The following HPN variants were observed in gnomAD, a reference collection of about 807,000 sequenced individuals.
The protein encoded by HPN is hepsin.
Under a neutral mutation model 55.9 loss-of-function variants are expected in HPN, and 13 were observed. The ratio of observed to expected loss-of-function variants is 0.23; its 90% CI spans 0.15 to 0.37. The LOEUF is 0.37. Among genes scored for constraint, HPN ranks in the 10% least tolerant of loss-of-function variants. HPN has a pLI of 1.00. For synonymous variants in HPN, 225 were observed against 240.3 expected, an observed-to-expected ratio of 0.94 and a Z score of 0.59; for missense variants, 451 against 575.8, an observed-to-expected ratio of 0.78 and a Z score of 2.22.
chr19:35,044,772 A>G (rs2064325690), intron 2 of HPN, among the ~76,000 whole-genome samples: 1 of 152,022 alleles, frequency 6.6e-6, no homozygotes, highest in South Asian at 2.1e-4. Flanking sequence ...GGAGTCACAG[A>G]GGGTTCTATA....
At chr19:35,042,591 A>C (rs2064305131) in intron 2 of HPN, 69 bp downstream of exon 2, 1 of 1,348,046 alleles carries the variant, frequency 7.4e-7, no homozygotes. Context: ...TCTTTTCTCT[A>C]CCCTCTACTC....
chr19:35,054,706 C>T (rs558569998), intron 4 of HPN, among the ~76,000 whole-genome samples: 35 of 152,330 alleles, frequency 2.3e-4, no homozygotes, highest in Admixed American at 1.1e-3. Context: ...AGCCACCCCA[C>T]CTCTCTGAGC....
intron 2 of HPN, among the ~76,000 whole-genome samples, chr19:35,046,422 T>A (rs2064342665): frequency 6.6e-6 from 1 of 152,016 alleles, no homozygotes; most frequent in South Asian, 2.1e-4. Context: ...TTTTTGTATT[T>A]TTAGTAGAGG....
chr19:35,065,049 T>C (rs1168756057), intron 9 of HPN, among the ~76,000 whole-genome samples: 1 of 152,124 alleles, frequency 6.6e-6, no homozygotes, highest in East Asian at 1.9e-4. Flanking sequence ...CTCAAACTCC[T>C]GACATCAAGT....
At chr19:35,048,036 G>GAA (rs1447082908) in intron 2 of HPN, among the ~76,000 whole-genome samples, 1,885 of 49,866 alleles carry the variant, frequency 0.038, 49 homozygotes, top group East Asian at 0.13. Flanking sequence ...GAAAAAGAAA[G>GAA]AAAGAAAGAA....
intron 2 of HPN, among the ~76,000 whole-genome samples, chr19:35,048,238 C>T (rs775987556): frequency 1.3e-5 from 2 of 152,146 alleles, no homozygotes; most frequent in Non-Finnish European, 2.9e-5. Context: ...AGGATGGCTT[C>T]GTGGCTGTAC....
At chr19:35,050,920 T>TC (rs2064398803) in intron 4 of HPN, among the ~76,000 whole-genome samples, 1 of 135,204 alleles carries the variant, frequency 7.4e-6, no homozygotes, top group Non-Finnish European at 1.6e-5. Flanking sequence ...CTTTCTTTTT[T>TC]TTTTTTTTTT....
At position 35,066,289 on chromosome 19, in the gene HPN, C is replaced by A; in HGVS notation, c.*2C>A. 6.2e-7 allele frequency: 1 copy of A among 1,611,626 alleles called. No homozygotes were observed. Among genetic ancestry groups the A allele is most frequent in the Non-Finnish European group, 8.5e-7 (1 of 1,178,990 alleles). On this transcript the variant is annotated 3_prime_UTR_variant, in exon 13 of 13. Coordinates refer to ENST00000672452, the MANE Select transcript of HPN (RefSeq NM_001384133.1). ...AGCGGCATGGTGACCCAGCTCTGAC[C>A]GGTGGCTTCTCGCTGCGCAGCCTCC...
chr19:35,051,860 C>T (rs571084796), intron 4 of HPN, among the ~76,000 whole-genome samples: 16 of 152,310 alleles, frequency 1.1e-4, no homozygotes, highest in African/African-American at 3.8e-4. Context: ...CCGAGGCTGA[C>T]CACACATCAG....
Position 35,041,865 on chromosome 19 carries a change from AC to A in HPN, c.-58del, listed in dbSNP as rs1432148976. On this transcript the variant is annotated 5_prime_UTR_variant, in exon 1 of 13. Coordinates refer to ENST00000672452, the MANE Select transcript of HPN (RefSeq NM_001384133.1). The stretch of plus-strand genomic sequence containing the variant: ...TCGAGGCTCCGCCCCCACCTGCTGG[AC>A]CCCAGGGTAAGGACAAGGGCCCCCA... The A allele has an allele frequency of 8.2e-6, 11 of 1,340,984 alleles. No individual in the cohort carries two copies. The highest frequency in any genetic ancestry group is 1.1e-5 in the Non-Finnish European group (11 of 1,017,198). The allele number at this position is 1,340,984 out of a possible 1,614,324, so 83.1% of individuals were successfully genotyped here. A position where few individuals can be genotyped will look rare whatever the true frequency, so the allele number is the denominator to read the frequency against.
intron 4 of HPN, among the ~76,000 whole-genome samples, chr19:35,053,090 A>G (rs1002697860): frequency 1.3e-5 from 2 of 152,164 alleles, no homozygotes; most frequent in African/African-American, 4.8e-5. Flanking sequence ...CAGGCACACC[A>G]GGTGACCCAG....
intron 4 of HPN, among the ~76,000 whole-genome samples, chr19:35,058,701 G>C (rs1398275181): frequency 6.7e-6 from 1 of 150,310 alleles, no homozygotes; most frequent in Non-Finnish European, 1.5e-5. Flanking sequence ...AAGAAACCAG[G>C]CTATGATCTA....
chr19:35,065,159 G>T (rs1447198409), intron 9 of HPN, 91 bp from the exon 10 acceptor site: 2 of 798,616 alleles, frequency 2.5e-6, no homozygotes, highest in Non-Finnish European at 4.1e-6. Context: ...AGAGGGCAGG[G>T]TGTGTTAGGG....
At position 35,060,705 on chromosome 19, in the gene HPN, G is replaced by T; in HGVS notation, c.699G>T (p.Gly233=). 1 of 1,614,214 alleles carries T rather than the reference G, an allele frequency of 6.2e-7. No individual in the cohort carries two copies. Among genetic ancestry groups the T allele is most frequent in the Non-Finnish European group, 8.5e-7 (1 of 1,180,038 alleles). ...AQASPHGLQL[G]VQAVVYHGGY... is the part of the protein sequence containing the mutation. ...CCTCTCCCCACGGTCTGCAGCTGGG[G>T]GTGCAGGCTGTGGTCTACCACGGGG... The change falls in exon 9 of 13, where the codon GGG becomes GGT. Residue 233 remains glycine (G), a synonymous_variant. Coordinates refer to ENST00000672452, the MANE Select transcript of HPN (RefSeq NM_001384133.1).
chr19:35,063,709 T>C (rs1441533976), intron 9 of HPN, among the ~76,000 whole-genome samples: 4 of 152,152 alleles, frequency 2.6e-5, no homozygotes, highest in South Asian at 2.1e-4. Context: ...AGAGTTAATA[T>C]TGAAGTAAGG....
intron 4 of HPN, among the ~76,000 whole-genome samples, chr19:35,055,517 C>G (rs1264375036): frequency 6.6e-6 from 1 of 152,192 alleles, no homozygotes; most frequent in Non-Finnish European, 1.5e-5. Context: ...TTTTCAGGCT[C>G]AGGCCAAACC....
intron 1 of HPN, 190 bp from the exon 2 acceptor site, chr19:35,042,263 G>GT (rs2064301767): frequency 7.4e-7 from 1 of 1,347,300 alleles, no homozygotes; most frequent in African/African-American, 1.5e-5. Context: ...AAATCCAGGC[G>GT]TCCCCCCGCT....
upstream of HPN, chr19:35,041,552 C>T: frequency 4.6e-6 from 4 of 862,966 alleles, no homozygotes; most frequent in Non-Finnish European, 5.6e-6. Context: ...CGCAGACAGG[C>T]ACACCTGGGT....
At position 35,059,878 on chromosome 19, in the gene HPN, C is replaced by A. The variant is rs2064506640; in HGVS notation, c.295C>A (p.Leu99Met). The change falls in exon 6 of 13, where the codon CTG (leucine) becomes ATG (methionine). Residue 99 changes from leucine to methionine, a missense_variant. This residue lies in a region of HPN where 378 missense variants were observed against 445.5 expected (regional missense o/e 0.85). Coordinates refer to ENST00000672452, the MANE Select transcript of HPN (RefSeq NM_001384133.1). ...CCTAACCCCTGCCCCGCCCAGGGCACTGACCCACTCCGAGCTGGACGTGCG... is the reference window on the plus strand; with the variant it reads ...CCTAACCCCTGCCCCGCCCAGGGCAATGACCCACTCCGAGCTGGACGTGCG... ...SCEEMGFLRA[L>M]THSELDVRTA... 2 of 1,501,616 alleles carry A rather than the reference C, an allele frequency of 1.3e-6. No individual in the cohort carries two copies. Among genetic ancestry groups the A allele is most frequent in the South Asian group, 2.7e-5 (2 of 73,792 alleles). The allele number at this position is 1,501,616 out of a possible 1,614,324, so 93.0% of individuals were successfully genotyped here.
Sources: allele counts gnomAD v4.1 joint callset (sites outside exome capture counted in the v4.1 genomes callset), GRCh38; gene constraint gnomAD v4.1.1; regional missense constraint gnomAD v4.1.1; transcripts MANE v1.5; gene names NCBI Gene and HGNC (gene_info 2026-07-23, HGNC 2026-07-21).